FHIT: variants seen among roughly 807,000 people sequenced by gnomAD.
FHIT encodes bis(5'-adenosyl)-triphosphatase.
A neutral mutation model predicts 17.9 loss-of-function variants in FHIT; 19 were observed. The ratio of observed to expected loss-of-function variants is 1.06; its 90% CI spans 0.74 to 1.56. The LOEUF is 1.56. FHIT is among the 40% of genes most tolerant of loss of function. The pLI is 0.00. For synonymous variants in FHIT, 81 were observed against 69.7 expected (o/e 1.16, Z -0.81); for missense variants, 248 against 189.2 (o/e 1.31, Z -1.82).
At chr3:60,448,639 C>G (rs1341330177) in intron 5 of FHIT, among the ~76,000 whole-genome samples, 1 of 152,148 alleles carries the variant, frequency 6.6e-6, no homozygotes, top group East Asian at 1.9e-4. Context: ...ATTGAAAGCT[C>G]TTAACCGCAT....
In FHIT at chr3:59,913,956, C is replaced by G. The variant is rs663274; in HGVS notation, c.348+8390G>C. ...TTCCTATTCTAAATCTGGGGAAGGT[C>G]ATAACAGTCTCCACAAACAGCTGCT... On this transcript the variant is annotated intron_variant, in intron 8 of 9. Coordinates refer to ENST00000492590, the MANE Select transcript of FHIT (RefSeq NM_002012.4). Among the ~76,000 whole-genome samples the G allele has an allele frequency of 4.0e-4, 61 of 152,116 alleles. 1 individual carries two copies.
intron 8 of FHIT, among the ~76,000 whole-genome samples, chr3:59,855,960 T>G (rs1017110492): frequency 6.6e-6 from 1 of 151,966 alleles, no homozygotes; most frequent in African/African-American, 2.4e-5. Context: ...TTTTTGTATT[T>G]TTAGTAGAGA....
chr3:60,268,506 G>A (rs1431122903), intron 5 of FHIT, among the ~76,000 whole-genome samples: 1 of 152,216 alleles, frequency 6.6e-6, no homozygotes, highest in African/African-American at 2.4e-5. Context: ...GGCACAGTCA[G>A]AGACCAGGAA....
intron 5 of FHIT, among the ~76,000 whole-genome samples, chr3:60,451,740 C>G (rs2031761218): frequency 6.6e-6 from 1 of 152,118 alleles, no homozygotes; most frequent in Non-Finnish European, 1.5e-5. Flanking sequence ...ACCTGACTCT[C>G]CAACTATGAG....
At chr3:60,766,960 T>C (rs1553721594) in intron 4 of FHIT, among the ~76,000 whole-genome samples, 1 of 152,220 alleles carries the variant, frequency 6.6e-6, no homozygotes, top group African/African-American at 2.4e-5. Context: ...TGTGGCATGC[T>C]CAATCTCCTT....
intron 8 of FHIT, among the ~76,000 whole-genome samples, chr3:59,875,908 C>T (rs796525156): frequency 1.0e-4 from 15 of 149,882 alleles, no homozygotes; most frequent in African/African-American, 3.7e-4. Flanking sequence ...CACATATGCC[C>T]TCAGGATGAG....
intron 8 of FHIT, among the ~76,000 whole-genome samples, chr3:59,769,844 G>T (rs17295070): frequency 1.3e-5 from 2 of 151,454 alleles, no homozygotes; most frequent in Admixed American, 1.3e-4. Context: ...TGATTTACAC[G>T]GATTGAACTG....
rs538161923 is a variant in FHIT at position 61,214,471 on chromosome 3, T to C, written c.-212-13806A>G. Among the ~76,000 whole-genome samples the C allele has an allele frequency of 9.0e-3, 1,373 of 152,264 alleles. 25 individuals carry two copies. Among genetic ancestry groups the C allele is most frequent in the African/African-American group, 0.032 (1,314 of 41,552 alleles). The stretch of plus-strand genomic sequence containing the variant: ...GACTAAAGCAGGAAGAAGTTGGATC[T>C]CTGAATAGACCAATGACAGGCTCTG... On this transcript the variant is annotated intron_variant, in intron 1 of 9. Transcript: ENST00000492590.
intron 7 of FHIT, among the ~76,000 whole-genome samples, chr3:59,928,920 G>T (rs1247010567): frequency 1.3e-5 from 2 of 150,098 alleles, no homozygotes; most frequent in Non-Finnish European, 1.5e-5. Flanking sequence ...TCTTAAACCT[G>T]GGAGGTGGAA....
At chr3:60,589,722 A>G (rs1195916605) in intron 4 of FHIT, among the ~76,000 whole-genome samples, 7 of 152,068 alleles carry the variant, frequency 4.6e-5, no homozygotes, top group African/African-American at 1.4e-4. Flanking sequence ...AACTTCTATT[A>G]ATAGTATATG....
chr3:59,911,071 T>A (rs1012135618), intron 8 of FHIT, among the ~76,000 whole-genome samples: 3 of 152,212 alleles, frequency 2.0e-5, no homozygotes, highest in East Asian at 1.9e-4. Context: ...TAATGATAAA[T>A]CATGGTAGGA....
chr3:61,056,931 T>TA (rs1454266551), intron 2 of FHIT, among the ~76,000 whole-genome samples: 1 of 151,864 alleles, frequency 6.6e-6, no homozygotes, highest in African/African-American at 2.4e-5. Context: ...AAGCAAAAGA[T>TA]AAAAAAAACA....
intron 5 of FHIT, among the ~76,000 whole-genome samples, chr3:60,170,832 C>T (rs1409073253): frequency 6.6e-6 from 1 of 152,008 alleles, no homozygotes; most frequent in Non-Finnish European, 1.5e-5. Flanking sequence ...AATAGATAAA[C>T]CTATTTAATT....
intron 5 of FHIT, among the ~76,000 whole-genome samples, chr3:60,198,530 C>T (rs1044432667): frequency 2.9e-5 from 4 of 137,008 alleles, no homozygotes; most frequent in Non-Finnish European, 3.2e-5. Flanking sequence ...AGATAGCTGT[C>T]GTGAGTTGTT....
At chr3:60,043,860 T>C (rs1189439550) in intron 5 of FHIT, among the ~76,000 whole-genome samples, 1 of 152,196 alleles carries the variant, frequency 6.6e-6, no homozygotes, top group Non-Finnish European at 1.5e-5. Context: ...TGTTTCTTTA[T>C]ATGAAACATC....
intron 5 of FHIT, among the ~76,000 whole-genome samples, chr3:60,487,300 A>C (rs2734352): frequency 0.28 from 42,171 of 152,060 alleles, 7,313 homozygotes; most frequent in East Asian, 0.48. Context: ...GAGCAGCTCT[A>C]GGAAGCTCCT....
At chr3:60,401,405 G>T (rs1182460128) in intron 5 of FHIT, among the ~76,000 whole-genome samples, 1 of 152,056 alleles carries the variant, frequency 6.6e-6, no homozygotes, top group Non-Finnish European at 1.5e-5. Flanking sequence ...TTACTGTTAG[G>T]TTCGGCCAGT....
intron 7 of FHIT, among the ~76,000 whole-genome samples, chr3:59,957,217 A>C (rs1707449006): frequency 6.6e-6 from 1 of 152,218 alleles, no homozygotes; most frequent in Non-Finnish European, 1.5e-5. Context: ...TCAAGTTAAA[A>C]TTATGCCCTA....
At chr3:61,195,467 T>C (rs982202207) in intron 2 of FHIT, among the ~76,000 whole-genome samples, 9 of 152,212 alleles carry the variant, frequency 5.9e-5, no homozygotes, top group African/African-American at 2.2e-4. Flanking sequence ...GATAATGATG[T>C]TGATGATCAT....
Sources: allele counts gnomAD v4.1 joint callset (sites outside exome capture counted in the v4.1 genomes callset), GRCh38; gene constraint gnomAD v4.1.1; transcripts MANE v1.5; gene names NCBI Gene and HGNC (gene_info 2026-07-23, HGNC 2026-07-21).